Variants in PRKN observed in about 807,000 individuals in gnomAD.
PRKN encodes parkin RBR E3 ubiquitin protein ligase, also known as E3 ubiquitin-protein ligase parkin.
In PRKN, 56 loss-of-function variants were observed where a neutral mutation model predicts 59.5. The ratio of observed to expected loss-of-function variants is 0.94; its 90% CI spans 0.76 to 1.18. The LOEUF is 1.18. PRKN is among the 50% of genes most tolerant of loss of function. The probability of loss-of-function intolerance (pLI) is 0.00; values close to 1 mark genes in which losing one functional copy is unlikely to be tolerated. For synonymous variants in PRKN, 250 were observed against 222.1 expected (o/e 1.13, Z -1.12); for missense variants, 657 against 596.4 (o/e 1.10, Z -1.06).
intron 9 of PRKN, among the ~76,000 whole-genome samples, chr6:161,489,389 GTC>G (rs367841220): frequency 0.01 from 1,563 of 152,098 alleles, 21 homozygotes; most frequent in African/African-American, 0.036. Flanking sequence ...GTGAAACCCT[GTC>G]TCTACTAAAA....
chr6:162,677,480 A>G (rs1052355440), intron 1 of PRKN, among the ~76,000 whole-genome samples: 2 of 151,716 alleles, frequency 1.3e-5, no homozygotes, highest in Non-Finnish European at 2.9e-5. Flanking sequence ...AAAAAAAAAA[A>G]AAAAAAAACA....
chr6:162,422,288 T>C (rs1170847193), intron 2 of PRKN, among the ~76,000 whole-genome samples: 1 of 152,240 alleles, frequency 6.6e-6, no homozygotes, highest in African/African-American at 2.4e-5. Context: ...TATAAAAACT[T>C]CTGGTCCAAA....
At chr6:161,788,529 A>T (rs1242230908) in intron 6 of PRKN, among the ~76,000 whole-genome samples, 1 of 152,148 alleles carries the variant, frequency 6.6e-6, no homozygotes, top group Non-Finnish European at 1.5e-5. Context: ...CCTACTGAAA[A>T]CTAAGCTACA....
At chr6:161,881,780 A>G (rs1341965107) in intron 6 of PRKN, among the ~76,000 whole-genome samples, 2 of 152,222 alleles carry the variant, frequency 1.3e-5, no homozygotes, top group Non-Finnish European at 2.9e-5. Flanking sequence ...TTGGACTCAG[A>G]AAGGGCAACT....
chr6:162,044,621 C>T (rs536724935), intron 5 of PRKN, among the ~76,000 whole-genome samples: 1 of 152,320 alleles, frequency 6.6e-6, no homozygotes, highest in Admixed American at 6.5e-5. Flanking sequence ...TGATTTTATA[C>T]ACTGGAGCTG....
At chr6:161,850,541 A>G (rs1034604959) in intron 6 of PRKN, among the ~76,000 whole-genome samples, 2 of 136,694 alleles carry the variant, frequency 1.5e-5, no homozygotes, top group Non-Finnish European at 3.0e-5. Context: ...GCACCACTGC[A>G]CTCCAGCCTG....
chr6:161,775,728 A>G (rs76992571), intron 7 of PRKN, among the ~76,000 whole-genome samples: 6,562 of 152,280 alleles, frequency 0.043, 465 homozygotes, highest in African/African-American at 0.15. Context: ...ATATTCCTTC[A>G]TATTAGATTT....
intron 4 of PRKN, among the ~76,000 whole-genome samples, chr6:162,096,251 A>ACT (rs1779725912): frequency 6.6e-6 from 1 of 152,056 alleles, no homozygotes; most frequent in Non-Finnish European, 1.5e-5. Context: ...GCTGCTTCTC[A>ACT]CTCTGTTCCC....
chr6:162,388,211 G>A (rs985872332), intron 2 of PRKN, among the ~76,000 whole-genome samples: 2 of 152,118 alleles, frequency 1.3e-5, no homozygotes, highest in East Asian at 3.9e-4. Flanking sequence ...CAGCGACTCT[G>A]GGCAGTGTGG....
intron 2 of PRKN, among the ~76,000 whole-genome samples, chr6:162,299,500 A>G (rs1418548804): frequency 6.6e-6 from 1 of 152,182 alleles, no homozygotes; most frequent in Non-Finnish European, 1.5e-5. Context: ...TTCAGTGAAT[A>G]AAGTCACTGG....
chr6:162,361,311 C>T (rs919506912), intron 2 of PRKN, among the ~76,000 whole-genome samples: 4 of 151,908 alleles, frequency 2.6e-5, no homozygotes, highest in Non-Finnish European at 4.4e-5. Context: ...CCAATGTGAT[C>T]GTATTTGGAG....
In PRKN at chr6:162,216,392, C is replaced by T. The variant is rs994292463; in HGVS notation, c.413-15140G>A. On this transcript the variant is annotated intron_variant, in intron 3 of 11. Transcript: ENST00000366898. Reference sequence around the variant, plus strand: ...AAAAATACAAAAAATTAGCCGGGCGCGGTGGCGGGCGCCTGTAGTCCCAGC... The same window carrying T: ...AAAAATACAAAAAATTAGCCGGGCGTGGTGGCGGGCGCCTGTAGTCCCAGC... Among the ~76,000 whole-genome samples the T allele has an allele frequency of 1.4e-3, 205 of 150,840 alleles. 2 individuals are homozygous for T. Among genetic ancestry groups the T allele is most frequent in the Non-Finnish European group, 1.1e-3 (77 of 67,700 alleles).
chr6:161,859,401 G>A (rs542492493), intron 6 of PRKN, among the ~76,000 whole-genome samples: 10 of 151,842 alleles, frequency 6.6e-5, no homozygotes, highest in East Asian at 5.9e-4. Flanking sequence ...TCAGGAGATC[G>A]AGACCATCCT....
At chr6:162,688,388 A>G (rs569792024) in intron 1 of PRKN, among the ~76,000 whole-genome samples, 51 of 152,292 alleles carry the variant, frequency 3.3e-4, no homozygotes, top group African/African-American at 1.2e-3. Flanking sequence ...ATACATATGG[A>G]ATATTATTTA....
intron 2 of PRKN, among the ~76,000 whole-genome samples, chr6:162,284,110 T>A (rs1240815196): frequency 2.0e-5 from 3 of 152,074 alleles, no homozygotes; most frequent in Non-Finnish European, 2.9e-5. Context: ...AAACAGCTAC[T>A]TCTTGGCTCT....
chr6:162,227,303 T>C (rs951119432), intron 3 of PRKN, among the ~76,000 whole-genome samples: 6 of 152,268 alleles, frequency 3.9e-5, no homozygotes, highest in South Asian at 4.1e-4. Context: ...AGGGTTTTTT[T>C]CCCCCACCTT....
chr6:161,499,782 G>T lies in PRKN; in HGVS notation c.1083+49072C>A, dbSNP rs115117107. 9.7e-3 allele frequency among the ~76,000 whole-genome samples: 1,467 copies of T among 150,860 alleles called. 29 individuals carry two copies. The highest frequency in any genetic ancestry group is 0.034 in the African/African-American group (1,389 of 40,476). On this transcript the variant is annotated intron_variant, in intron 9 of 11. Coordinates refer to ENST00000366898, the MANE Select transcript of PRKN (RefSeq NM_004562.3). This position sits in a 1 kb window ranked among gnomAD's most constrained non-coding sequence, Gnocchi z 4.2. The stretch of plus-strand genomic sequence containing the variant: ...TCATATATTCAGAACCAAGTTCTAC[G>T]AATGGGTAAAGAATTTTTATTCTCT...
rs1486100266 is a variant in PRKN at position 162,502,275 on chromosome 6, C to T, written c.8-58802G>A. Among the ~76,000 whole-genome samples, 5 of 152,272 alleles carry T rather than the reference C, an allele frequency of 3.3e-5. No homozygotes were observed. In the East Asian group the frequency reaches 9.7e-4, roughly 29 times the overall value. On this transcript the variant is annotated intron_variant, in intron 1 of 11. Coordinates refer to ENST00000366898, the MANE Select transcript of PRKN (RefSeq NM_004562.3). The stretch of plus-strand genomic sequence containing the variant: ...TTTTGGGCTCAAGCGACCCTCCTGT[C>T]TCAACCTCTGAAGTAGCTGAGACCA...
At chr6:162,530,340 C>T (rs1778461346) in intron 1 of PRKN, among the ~76,000 whole-genome samples, 1 of 151,804 alleles carries the variant, frequency 6.6e-6, no homozygotes, top group Non-Finnish European at 1.5e-5. Flanking sequence ...TGAAGACTCA[C>T]TTAGGGGCTA....
Sources: allele counts gnomAD v4.1 joint callset (sites outside exome capture counted in the v4.1 genomes callset), GRCh38; gene constraint gnomAD v4.1.1; non-coding constraint Gnocchi (gnomAD v3.1); transcripts MANE v1.5; gene names NCBI Gene and HGNC (gene_info 2026-07-23, HGNC 2026-07-21).